The following RAD51 variants were observed in gnomAD, a reference collection of about 807,000 sequenced individuals.
RAD51 encodes RAD51 recombinase, also known as DNA repair protein RAD51 homolog 1.
RAD51 carries 14 observed loss-of-function variants against 41.5 expected under a neutral mutation model. The observed-to-expected ratio is 0.34, with a 90% confidence interval of 0.22 to 0.53. RAD51 has a LOEUF of 0.53. Ranked by LOEUF, RAD51 falls within the 20% of genes least tolerant of loss-of-function variation. The pLI, the probability that RAD51 is intolerant of heterozygous loss-of-function variation, is 0.95. For missense variants in RAD51, 234 were observed against 422.0 expected, an observed-to-expected ratio of 0.55 and a Z score of 3.90; for synonymous variants, 136 against 148.6, an observed-to-expected ratio of 0.92 and a Z score of 0.62.
At chr15:40,705,611 G>GTTTT (rs1388112499) in intron 3 of RAD51, among the ~76,000 whole-genome samples, 1 of 152,062 alleles carries the variant, frequency 6.6e-6, no homozygotes, top group East Asian at 1.9e-4. Context: ...GTTTTGTTTT[G>GTTTT]TTTTGTTTTT....
intron 5 of RAD51, among the ~76,000 whole-genome samples, chr15:40,716,284 A>G (rs1270752081): frequency 6.6e-6 from 1 of 152,228 alleles, no homozygotes; most frequent in Non-Finnish European, 1.5e-5. Flanking sequence ...TAAAAGAAGT[A>G]TATGAAAATG....
intron 9 of RAD51, among the ~76,000 whole-genome samples, chr15:40,730,511 A>AC (rs1896813595): frequency 1.2e-5 from 1 of 86,092 alleles, no homozygotes; most frequent in Admixed American, 1.4e-4. Flanking sequence ...TCTTGAAAAA[A>AC]TTTTTTTTCT....
intron 3 of RAD51, among the ~76,000 whole-genome samples, chr15:40,703,096 C>T (rs979199019): frequency 3.3e-5 from 5 of 152,192 alleles, no homozygotes; most frequent in African/African-American, 1.2e-4. Context: ...TATTACCCAT[C>T]ACATCTACTT....
intron 5 of RAD51, among the ~76,000 whole-genome samples, chr15:40,710,957 C>A (rs988548592): frequency 3.9e-5 from 6 of 152,096 alleles, no homozygotes; most frequent in Non-Finnish European, 8.8e-5. Context: ...TTCCCTGGAC[C>A]CCTTCAGTTT....
At chr15:40,708,112 G>A (rs1236354067) in intron 4 of RAD51, among the ~76,000 whole-genome samples, 3 of 146,854 alleles carry the variant, frequency 2.0e-5, no homozygotes, top group Non-Finnish European at 4.4e-5. Flanking sequence ...TCCGCCCCCA[G>A]GTTCAAGCTA....
At chr15:40,697,692 C>G (rs1279737958) in intron 1 of RAD51, among the ~76,000 whole-genome samples, 3 of 146,552 alleles carry the variant, frequency 2.0e-5, no homozygotes, top group Admixed American at 1.4e-4. Context: ...ATTCTCCTGT[C>G]TCAGCCTGCC....
chr15:40,695,793 T>G (rs1472057001), intron 1 of RAD51: 1 of 152,238 alleles, frequency 6.6e-6, no homozygotes, highest in Non-Finnish European at 1.5e-5. Context: ...AATCTCCGAT[T>G]GCCAAAACAG....
upstream of RAD51, chr15:40,695,167 T>G (rs1894529626): frequency 1.3e-5 from 2 of 152,232 alleles, no homozygotes; most frequent in Admixed American, 6.5e-5. Context: ...CGAGAGGGTT[T>G]GGCGGGAATT....
Position 40,729,979 on chromosome 15 carries a change from G to T in RAD51, c.896+5G>T. ...CGCCCATGCATCAACAACCAGGTAA[G>T]GTGTTGATGGGATCAGTTCTTCTTT... On this transcript the variant is annotated splice_donor_5th_base_variant and intron_variant, in intron 9 of 9. Coordinates refer to ENST00000267868, the MANE Select transcript of RAD51 (RefSeq NM_002875.5). The T allele has an allele frequency of 6.2e-7, 1 of 1,613,846 alleles. No homozygotes were observed. Among genetic ancestry groups the T allele is most frequent in the Non-Finnish European group, 8.5e-7 (1 of 1,179,836 alleles).
chr15:40,708,105 G>A (rs140073022), intron 4 of RAD51, among the ~76,000 whole-genome samples: 2,798 of 141,180 alleles, frequency 0.02, 81 homozygotes, highest in African/African-American at 0.066. Context: ...TGCCACTTCC[G>A]CCCCCAGGTT....
intron 3 of RAD51, 68 bp from the exon 4 acceptor site, chr15:40,706,109 T>G: frequency 8.8e-7 from 1 of 1,142,260 alleles, no homozygotes. Context: ...ATATATATTT[T>G]TTTGCCATCA....
chr15:40,705,706 G>A (rs768026403), intron 3 of RAD51, among the ~76,000 whole-genome samples: 17 of 152,088 alleles, frequency 1.1e-4, no homozygotes, highest in Admixed American at 2.6e-4. Flanking sequence ...CCGGGTTCAC[G>A]CCTTTCTCCT....
intron 3 of RAD51, among the ~76,000 whole-genome samples, chr15:40,704,816 C>T (rs1219793298): frequency 2.0e-5 from 3 of 151,304 alleles, no homozygotes; most frequent in Admixed American, 6.6e-5. Flanking sequence ...ACTACAGGCG[C>T]GTGCCACCAC....
intron 6 of RAD51, among the ~76,000 whole-genome samples, chr15:40,720,110 G>A (rs1896197759): frequency 6.6e-6 from 1 of 152,032 alleles, no homozygotes; most frequent in South Asian, 2.1e-4. Flanking sequence ...GGGCATCTGT[G>A]AAAAACCTAC....
At position 40,729,289 on chromosome 15, in the gene RAD51, A is replaced by T. The variant is rs768778442; in HGVS notation, c.645-216A>T. Among the ~76,000 whole-genome samples the T allele has an allele frequency of 2.5e-4, 35 of 141,144 alleles. 1 individual carries two copies. Among genetic ancestry groups the T allele is most frequent in the Non-Finnish European group, 4.9e-4 (32 of 65,966 alleles). 92.6% of individuals were successfully genotyped at this position (141,144 alleles called of 152,430 possible). ...TCCGGAGGCTGAAGCAGGAGAATGG[A>T]GTGAACCCGGGAGGCAGAGCTTGCA... On this transcript the variant is annotated intron_variant, in intron 7 of 9. Transcript: ENST00000267868.
intron 1 of RAD51, among the ~76,000 whole-genome samples, chr15:40,698,183 C>CTTTTTTTTTTT (rs34665687): frequency 6.9e-6 from 1 of 144,102 alleles, no homozygotes; most frequent in Non-Finnish European, 1.5e-5. Context: ...ATGAGATGAA[C>CTTTTTTTTTTT]TTTTTTTTTT....
chr15:40,706,688 A>G (rs1285187823), intron 4 of RAD51, among the ~76,000 whole-genome samples: 1 of 152,164 alleles, frequency 6.6e-6, no homozygotes, highest in Admixed American at 6.6e-5. Flanking sequence ...GGTGACGAGC[A>G]AAACTCTGTC....
At chr15:40,727,693 CCATA>C (rs1896655969) in intron 6 of RAD51, among the ~76,000 whole-genome samples, 1 of 151,584 alleles carries the variant, frequency 6.6e-6, no homozygotes, top group South Asian at 2.1e-4. Context: ...TTTTTTTTCA[CCATA>C]CATTCATGAT....
At chr15:40,724,674 C>CTTTTTTTTTTTT (rs869156620) in intron 6 of RAD51, among the ~76,000 whole-genome samples, 1 of 94,346 alleles carries the variant, frequency 1.1e-5, no homozygotes, top group African/African-American at 4.5e-5. Flanking sequence ...TTTTTTATTT[C>CTTTTTTTTTTTT]TTTTTTTTTT....
Sources: gnomAD v4.1 joint callset for allele counts (sites outside exome capture counted in the v4.1 genomes callset) on GRCh38, gnomAD v4.1.1 for gene constraint, MANE v1.5 for transcripts, NCBI Gene and HGNC (gene_info 2026-07-23, HGNC 2026-07-21) for gene names.